Variants in ERBB4 observed in about 807,000 individuals in gnomAD.
The protein encoded by ERBB4 is receptor tyrosine-protein kinase erbB-4.
A neutral mutation model predicts 158.0 loss-of-function variants in ERBB4; 42 were observed. The ratio of observed to expected loss-of-function variants is 0.27; its 90% CI spans 0.21 to 0.34. ERBB4 has a LOEUF of 0.34. ERBB4 is among the 10% of genes least tolerant of loss of function. The pLI is 1.00. For missense variants in ERBB4, 1,333 were observed against 1,624.1 expected (o/e 0.82, Z 3.08); for synonymous variants, 583 against 558.7 (o/e 1.04, Z -0.61).
At chr2:212,013,278 T>C (rs2076434727) in intron 2 of ERBB4, among the ~76,000 whole-genome samples, 1 of 152,028 alleles carries the variant, frequency 6.6e-6, no homozygotes, top group African/African-American at 2.4e-5. Context: ...GTGTAATTAT[T>C]ATTTTAACAT....
rs182968889 is a variant in ERBB4 at position 212,311,187 on chromosome 2, A to G, written c.83-186284T>C. On this transcript the variant is annotated intron_variant, in intron 1 of 27. Transcript: ENST00000342788. Reference sequence around the variant, plus strand: ...TTGTCAAATTAGTAACTTAGGTTAGAGATAGGGGTCATCAAATTTTTATAT... The same window carrying G: ...TTGTCAAATTAGTAACTTAGGTTAGGGATAGGGGTCATCAAATTTTTATAT... Among the ~76,000 whole-genome samples the G allele has an allele frequency of 2.7e-5, 4 of 150,920 alleles. 1 individual carries two copies. The South Asian group carries it at 8.3e-4, about 31-fold the overall frequency.
chr2:212,191,716 TA>T (rs2082227691), intron 1 of ERBB4, among the ~76,000 whole-genome samples: 1 of 147,216 alleles, frequency 6.8e-6, no homozygotes, highest in East Asian at 2.0e-4. Context: ...TTATACATGT[TA>T]CATATAACAC....
intron 1 of ERBB4, among the ~76,000 whole-genome samples, chr2:212,521,336 A>T (rs1692149577): frequency 6.6e-6 from 1 of 151,874 alleles, no homozygotes. Flanking sequence ...GGATTTGAGA[A>T]AACTGCCCTT....
chr2:211,807,918 T>C (rs988842089), intron 3 of ERBB4, among the ~76,000 whole-genome samples: 1 of 152,232 alleles, frequency 6.6e-6, no homozygotes, highest in Admixed American at 6.5e-5. Context: ...GCTGCATAAA[T>C]GTCTTCTTCT....
intron 3 of ERBB4, among the ~76,000 whole-genome samples, chr2:211,861,109 A>AT (rs1553648393): frequency 0.024 from 869 of 36,514 alleles, 70 homozygotes; most frequent in East Asian, 0.031. Flanking sequence ...CATTATATAT[A>AT]TTTATATATA....
intron 20 of ERBB4, among the ~76,000 whole-genome samples, chr2:211,481,214 A>G (rs534464011): frequency 1.3e-5 from 2 of 152,324 alleles, no homozygotes; most frequent in South Asian, 4.1e-4. Context: ...AATGTATGCT[A>G]AAGTAATAAG....
intron 3 of ERBB4, among the ~76,000 whole-genome samples, chr2:211,810,515 C>T (rs1267551708): frequency 3.3e-5 from 5 of 152,068 alleles, no homozygotes; most frequent in African/African-American, 4.8e-5. Flanking sequence ...ATTGCAACCC[C>T]GGCCGTTTTT....
intron 1 of ERBB4, among the ~76,000 whole-genome samples, chr2:212,323,861 T>A (rs938676939): frequency 2.0e-5 from 3 of 150,638 alleles, no homozygotes; most frequent in Admixed American, 2.0e-4. Flanking sequence ...TCCATGGCTT[T>A]TCTGGCACCT....
chr2:212,426,293 T>TA (rs756628155), intron 1 of ERBB4: 13 of 474,530 alleles, frequency 2.7e-5, no homozygotes, highest in Non-Finnish European at 4.2e-6. Flanking sequence ...CAAAAGTAAT[T>TA]ACAGTTTTTG....
At chr2:212,146,622 C>T (rs547585782) in intron 1 of ERBB4, among the ~76,000 whole-genome samples, 2 of 152,184 alleles carry the variant, frequency 1.3e-5, no homozygotes, top group East Asian at 1.9e-4. Flanking sequence ...ACATAAACTC[C>T]TCTGGTACTC....
At chr2:211,716,738 C>T (rs147885360) in intron 7 of ERBB4, among the ~76,000 whole-genome samples, 4 of 152,016 alleles carry the variant, frequency 2.6e-5, no homozygotes, top group African/African-American at 9.7e-5. Flanking sequence ...AAAGAAGAAG[C>T]TTAATGTCCT....
chr2:212,312,581 T>C (rs902368089), intron 1 of ERBB4, among the ~76,000 whole-genome samples: 11 of 151,004 alleles, frequency 7.3e-5, no homozygotes, highest in African/African-American at 2.7e-4. Flanking sequence ...ACATTCTAAT[T>C]AAACTATTTT....
intron 2 of ERBB4, among the ~76,000 whole-genome samples, chr2:212,036,052 T>C (rs898481492): frequency 2.0e-5 from 3 of 152,174 alleles, no homozygotes; most frequent in African/African-American, 4.8e-5. Context: ...TAAGTAAAAT[T>C]GTTATCCATT....
At chr2:212,416,425 A>G (rs1215988680) in intron 1 of ERBB4, among the ~76,000 whole-genome samples, 2 of 152,104 alleles carry the variant, frequency 1.3e-5, no homozygotes, top group Non-Finnish European at 2.9e-5. Flanking sequence ...TGCAACCCGT[A>G]CTTAGGAAAG....
At chr2:212,113,314 G>T (rs1414472658) in intron 2 of ERBB4, among the ~76,000 whole-genome samples, 1 of 152,042 alleles carries the variant, frequency 6.6e-6, no homozygotes, top group Non-Finnish European at 1.5e-5. Flanking sequence ...GGTGGCTCAC[G>T]CCTGTAATCC....
At chr2:211,518,520 GGT>G (rs2066099962) in intron 20 of ERBB4, among the ~76,000 whole-genome samples, 1 of 151,978 alleles carries the variant, frequency 6.6e-6, no homozygotes, top group Non-Finnish European at 1.5e-5. Context: ...CAGGGGTGGT[GGT>G]GCACACCTGT....
Position 212,424,721 on chromosome 2 carries a change from TTTTG to T in ERBB4, c.82+113724_82+113727del, listed in dbSNP as rs545435883. On this transcript the variant is annotated intron_variant, in intron 1 of 27. Transcript: ENST00000342788. ...TAACAAATTTTTTTTTGTTTTCTTT[TTTTG>T]TTTGTTTGTTTGTTTTTGGTGTAGA... 9.9e-4 allele frequency among the ~76,000 whole-genome samples: 150 copies of T among 152,234 alleles called. 1 individual carries two copies. Among genetic ancestry groups the T allele is most frequent in the Admixed American group, 2.0e-3 (30 of 15,274 alleles).
At chr2:212,390,178 A>C (rs73060375) in intron 1 of ERBB4, among the ~76,000 whole-genome samples, 3,782 of 152,010 alleles carry the variant, frequency 0.025, 173 homozygotes, top group African/African-American at 0.086. Flanking sequence ...TTTTCATTTA[A>C]AACATATCTA....
In ERBB4 at chr2:211,772,924, CATATAT is replaced by C. The variant is rs1159274288; in HGVS notation, c.556+15095_556+15100del. 3.1e-3 allele frequency among the ~76,000 whole-genome samples: 113 copies of C among 36,726 alleles called. 5 individuals are homozygous for C. The highest frequency in any genetic ancestry group is 0.015 in the African/African-American group (104 of 6,768). The allele number at this position is 36,726 out of a possible 152,430, so 24.1% of individuals were successfully genotyped here. A position where few individuals can be genotyped will look rare whatever the true frequency, so the allele number is the denominator to read the frequency against. ...ATATATATATACACACACACACACACATATATATATATATATATATATATATATATA... is the reference window on the plus strand; with the variant it reads ...ATATATATATACACACACACACACACATATATATATATATATATATATATA... On this transcript the variant is annotated intron_variant, in intron 4 of 27. Transcript: ENST00000342788.
Sources: gnomAD v4.1 joint callset for allele counts (sites outside exome capture counted in the v4.1 genomes callset) on GRCh38, gnomAD v4.1.1 for gene constraint, MANE v1.5 for transcripts, NCBI Gene and HGNC (gene_info 2026-07-23, HGNC 2026-07-21) for gene names.